The following SLC9A1 variants were observed in gnomAD, a reference collection of about 807,000 sequenced individuals.
The protein encoded by SLC9A1 is solute carrier family 9 member A1.
SLC9A1 carries 22 observed loss-of-function variants against 67.9 expected under a neutral mutation model. The ratio of observed to expected loss-of-function variants is 0.32; its 90% CI spans 0.23 to 0.46. The LOEUF is 0.46. Among genes scored for constraint, SLC9A1 ranks in the 20% least tolerant of loss-of-function variants. SLC9A1 has a pLI of 1.00. For missense variants in SLC9A1, 686 were observed against 1,094.8 expected (o/e 0.63, Z 5.27); for synonymous variants, 421 against 471.8 (o/e 0.89, Z 1.40).
rs2083144488 is a variant in SLC9A1, at chr1:27,101,509, T to C, written c.2037+216A>G. ...CACTGCTCAGCCTTAAATCCACCCA[T>C]TCCTCTGTCCCCTGCCACTGCCCTA... On this transcript the variant is annotated intron_variant, in intron 10 of 11. Transcript: ENST00000263980. This position sits in a 1 kb window ranked among gnomAD's most constrained non-coding sequence, Gnocchi z 4.9. 6.6e-6 allele frequency among the ~76,000 whole-genome samples: 1 copy of C among 152,054 alleles called. No homozygotes were observed.
intron 1 of SLC9A1, among the ~76,000 whole-genome samples, chr1:27,126,470 C>T (rs776934714): frequency 1.6e-4 from 25 of 152,298 alleles, no homozygotes; most frequent in Non-Finnish European, 3.2e-4. Flanking sequence ...CCTTGGAGAG[C>T]CACTCTTCCA....
rs1397178137 is a variant in SLC9A1 at position 27,114,488 on chromosome 1, A to G, written c.353-202T>C. Among the ~76,000 whole-genome samples the G allele has an allele frequency of 1.3e-5, 2 of 152,236 alleles. No individual in the cohort carries two copies. The highest frequency in any genetic ancestry group is 1.9e-4 in the East Asian group (1 of 5,198). ...ACAATGCTAGCTTCACAGGTTTGCCATCATAAACCAAGTGACAGTGTTTTT... is the reference window on the plus strand; with the variant it reads ...ACAATGCTAGCTTCACAGGTTTGCCGTCATAAACCAAGTGACAGTGTTTTT... On this transcript the variant is annotated intron_variant, in intron 1 of 11. Coordinates refer to ENST00000263980, the MANE Select transcript of SLC9A1 (RefSeq NM_003047.5). The surrounding 1 kb of genome is among the most constrained non-coding windows in gnomAD (Gnocchi z 5.4).
At chr1:27,104,462 A>T (rs1157471676) in intron 5 of SLC9A1, among the ~76,000 whole-genome samples, 1 of 152,166 alleles carries the variant, frequency 6.6e-6, no homozygotes, top group Non-Finnish European at 1.5e-5. Context: ...ATCACAGCTC[A>T]CAGCTGCCTC....
intron 1 of SLC9A1, among the ~76,000 whole-genome samples, chr1:27,149,058 C>T (rs1178824255): frequency 6.6e-6 from 1 of 152,212 alleles, no homozygotes; most frequent in African/African-American, 2.4e-5. Context: ...TCCAAGAAGA[C>T]TCACAAAAAC....
chr1:27,103,680 C>T (rs565173997), intron 5 of SLC9A1: 78 of 288,696 alleles, frequency 2.7e-4, no homozygotes, highest in Non-Finnish European at 4.6e-4. Context: ...ACTGCCTCCC[C>T]ACCAGGACTG....
chr1:27,147,706 C>T (rs560644624), intron 1 of SLC9A1, among the ~76,000 whole-genome samples: 5 of 152,180 alleles, frequency 3.3e-5, no homozygotes, highest in South Asian at 2.1e-4. Context: ...AATTAGAAAA[C>T]GGGCTCAGGC....
chr1:27,138,073 C>T lies in SLC9A1; in HGVS notation c.352+15910G>A, dbSNP rs1407345634. ...GACTCTATCGCACTCCCAGGCTGTC[C>T]GCACATCCCTCCCCAGGTCAGACCA... On this transcript the variant is annotated intron_variant, in intron 1 of 11. Coordinates refer to ENST00000263980, the MANE Select transcript of SLC9A1 (RefSeq NM_003047.5). 2.6e-5 allele frequency among the ~76,000 whole-genome samples: 4 copies of T among 152,258 alleles called. No homozygotes were observed. The East Asian group carries it at 5.8e-4, about 22-fold the overall frequency.
chr1:27,111,117 C>T (rs2083224787), intron 2 of SLC9A1, among the ~76,000 whole-genome samples: 1 of 152,164 alleles, frequency 6.6e-6, no homozygotes, highest in African/African-American at 2.4e-5. Context: ...CTGGCCAGGC[C>T]TGGTGCGGCC....
At chr1:27,152,453 C>T (rs1557439402) in intron 1 of SLC9A1, among the ~76,000 whole-genome samples, 1 of 152,214 alleles carries the variant, frequency 6.6e-6, no homozygotes, top group Non-Finnish European at 1.5e-5. Context: ...ATCACTGTCA[C>T]TTCAGCTTCT....
chr1:27,139,992 C>T (rs1016816334), intron 1 of SLC9A1, among the ~76,000 whole-genome samples: 2 of 151,994 alleles, frequency 1.3e-5, no homozygotes, highest in African/African-American at 2.4e-5. Flanking sequence ...GAGCTTTCAC[C>T]ATGTTGACCA....
intron 1 of SLC9A1, among the ~76,000 whole-genome samples, chr1:27,128,745 G>A (rs2083363049): frequency 6.6e-6 from 1 of 151,700 alleles, no homozygotes; most frequent in South Asian, 2.1e-4. Context: ...ATCACCTGAG[G>A]TCAGGAGTTT....
chr1:27,148,925 TGCCCAAGCAGGGA>T (rs1391213733), intron 1 of SLC9A1, among the ~76,000 whole-genome samples: 3 of 152,096 alleles, frequency 2.0e-5, no homozygotes, highest in African/African-American at 7.2e-5. Flanking sequence ...GGCACTTCCC[TGCCCAAGCAGGGA>T]AGAAGCAAGC....
Position 27,101,310 on chromosome 1 carries a change from G to C in SLC9A1, c.2038-35C>G. The C allele has an allele frequency of 1.3e-6, 2 of 1,565,698 alleles. No homozygotes were observed. The highest frequency in any genetic ancestry group is 1.1e-5 in the South Asian group (1 of 90,086). On this transcript the variant is annotated intron_variant, in intron 10 of 11. Transcript: ENST00000263980. This position sits in a 1 kb window ranked among gnomAD's most constrained non-coding sequence, Gnocchi z 4.9. Reference sequence around the variant, plus strand: ...AGGACAGACGGGGTGAGCACAGGCAGCTGGGCAGAGGGAGCCCCTCAGGAC... The same window carrying C: ...AGGACAGACGGGGTGAGCACAGGCACCTGGGCAGAGGGAGCCCCTCAGGAC...
chr1:27,123,793 G>T (rs760130534), intron 1 of SLC9A1, among the ~76,000 whole-genome samples: 2 of 151,644 alleles, frequency 1.3e-5, no homozygotes, highest in Non-Finnish European at 1.5e-5. Flanking sequence ...TTACAGGCGT[G>T]AGCCACCGCG....
At position 27,101,880 on chromosome 1, in the gene SLC9A1, G is replaced by C. The variant is rs921817107; in HGVS notation, c.1936-54C>G. The C allele has an allele frequency of 9.4e-6, 14 of 1,484,488 alleles. No homozygotes were observed. Among genetic ancestry groups the C allele is most frequent in the Non-Finnish European group, 1.2e-5 (13 of 1,066,430 alleles). 92.0% of individuals were successfully genotyped at this position (1,484,488 alleles called of 1,614,324 possible). A position where few individuals can be genotyped will look rare whatever the true frequency, so the allele number is the denominator to read the frequency against. On this transcript the variant is annotated intron_variant, in intron 9 of 11. Coordinates refer to ENST00000263980, the MANE Select transcript of SLC9A1 (RefSeq NM_003047.5). This position sits in a 1 kb window ranked among gnomAD's most constrained non-coding sequence, Gnocchi z 4.9. The stretch of plus-strand genomic sequence containing the variant: ...CGGGCCCCGGAAGGCTCTGCTCATG[G>C]AGGGGTGGGGGCAGTGCTGGAGGCC...
rs946174760 is a variant in SLC9A1, at chr1:27,102,161, A to C, written c.1821-31T>G. On this transcript the variant is annotated intron_variant, in intron 8 of 11. Transcript: ENST00000263980. ...GCAATAGGGCATCGGTTAGGTCCCC[A>C]AGATTCTTGGGATCCTGGTGCCTCC... The C allele has an allele frequency of 2.5e-6, 4 of 1,568,702 alleles. No individual in the cohort carries two copies. The African/African-American group carries it at 5.4e-5, about 21-fold the overall frequency.
At chr1:27,143,396 A>G (rs1250579841) in intron 1 of SLC9A1, among the ~76,000 whole-genome samples, 1 of 152,072 alleles carries the variant, frequency 6.6e-6, no homozygotes, top group Non-Finnish European at 1.5e-5. Flanking sequence ...TCTCCCTTGT[A>G]TGTTGTCTCA....
chr1:27,134,672 G>A (rs1049479623), intron 1 of SLC9A1, among the ~76,000 whole-genome samples: 3 of 152,138 alleles, frequency 2.0e-5, no homozygotes, highest in Non-Finnish European at 4.4e-5. Context: ...TCTTGATGCC[G>A]ATAAGGAAAC....
intron 1 of SLC9A1, among the ~76,000 whole-genome samples, chr1:27,129,549 GGA>G (rs2083371015): frequency 6.6e-6 from 1 of 152,194 alleles, no homozygotes; most frequent in Admixed American, 6.5e-5. Flanking sequence ...CTCTCCTGTG[GGA>G]GAAGAGGGGC....
Sources: allele counts gnomAD v4.1 joint callset (sites outside exome capture counted in the v4.1 genomes callset), GRCh38; gene constraint gnomAD v4.1.1; non-coding constraint Gnocchi (gnomAD v3.1); transcripts MANE v1.5; gene names NCBI Gene and HGNC (gene_info 2026-07-23, HGNC 2026-07-21).